Variants in LRBA observed in about 807,000 individuals in gnomAD.
The protein encoded by LRBA is lipopolysaccharide-responsive and beige-like anchor protein.
Under a neutral mutation model 330.0 loss-of-function variants are expected in LRBA, and 176 were observed. That is an observed-to-expected ratio of 0.53 (90% confidence interval 0.47 to 0.60). The LOEUF (loss-of-function observed/expected upper bound fraction) is 0.60, where lower values mean the gene tolerates loss of function less well. Among genes scored for constraint, LRBA ranks in the 20% least tolerant of loss-of-function variants. LRBA has a pLI of 0.00. For synonymous variants in LRBA, 1,230 were observed against 1,193.0 expected (o/e 1.03, Z -0.64); for missense variants, 3,259 against 3,444.8 (o/e 0.95, Z 1.35).
intron 2 of LRBA, among the ~76,000 whole-genome samples, chr4:151,010,635 C>T (rs1744713981): frequency 6.6e-6 from 1 of 152,134 alleles, no homozygotes; most frequent in African/African-American, 2.4e-5. Flanking sequence ...AATCCCAGCA[C>T]TTTGGGAAGG....
chr4:150,985,203 A>G (rs1327228384), intron 2 of LRBA, among the ~76,000 whole-genome samples: 2 of 151,330 alleles, frequency 1.3e-5, no homozygotes, highest in Non-Finnish European at 2.9e-5. Context: ...GGTTGCAGTG[A>G]GCCAAGATCG....
intron 17 of LRBA, among the ~76,000 whole-genome samples, chr4:150,891,374 T>C (rs1337548132): frequency 1.3e-5 from 2 of 152,238 alleles, no homozygotes; most frequent in Non-Finnish European, 1.5e-5. Flanking sequence ...CCTCTTACAA[T>C]GCTTAACTTT....
intron 35 of LRBA, among the ~76,000 whole-genome samples, chr4:150,757,105 C>T (rs780503010): frequency 2.8e-4 from 42 of 152,084 alleles, no homozygotes; most frequent in East Asian, 1.7e-3. Flanking sequence ...GTAACAATTA[C>T]GTCAGTGATT....
intron 39 of LRBA, among the ~76,000 whole-genome samples, chr4:150,589,040 T>TACACACACAC (rs10637563): frequency 0.022 from 3,182 of 146,710 alleles, 101 homozygotes; most frequent in African/African-American, 0.073. Flanking sequence ...TGTGTGTGTA[T>TACACACACAC]ACACACACAC....
At chr4:150,763,938 G>A (rs1582276614) in intron 34 of LRBA, among the ~76,000 whole-genome samples, 2 of 152,034 alleles carry the variant, frequency 1.3e-5, no homozygotes, top group East Asian at 3.9e-4. Flanking sequence ...TTCAAGAGAT[G>A]CCACAGCCAA....
At chr4:150,849,100 T>C in intron 25 of LRBA, 102 bp from the exon 26 acceptor site, 1 of 752,890 alleles carries the variant, frequency 1.3e-6, no homozygotes, top group East Asian at 2.8e-5. Context: ...AGTCAGACTT[T>C]CAGAAACCTA....
intron 49 of LRBA, among the ~76,000 whole-genome samples, chr4:150,322,899 G>A (rs576361413): frequency 4.6e-5 from 7 of 152,192 alleles, no homozygotes; most frequent in Non-Finnish European, 8.8e-5. Context: ...GGCAGCCTTC[G>A]TGTGCCTGCT....
chr4:150,494,721 C>A (rs1156552219), intron 40 of LRBA, among the ~76,000 whole-genome samples: 2 of 152,150 alleles, frequency 1.3e-5, no homozygotes, highest in African/African-American at 4.8e-5. Flanking sequence ...GTAGGCGGGG[C>A]ACGGTGGCTC....
At chr4:150,902,048 ACAAAT>A (rs1273798531) in intron 13 of LRBA, among the ~76,000 whole-genome samples, 14 of 152,222 alleles carry the variant, frequency 9.2e-5, no homozygotes, top group Admixed American at 8.5e-4. Context: ...TTTAAGCAAA[ACAAAT>A]CAAAGACAAT....
chr4:150,381,683 A>G (rs1742288362), intron 47 of LRBA, among the ~76,000 whole-genome samples: 2 of 152,172 alleles, frequency 1.3e-5, no homozygotes, highest in South Asian at 4.1e-4. Flanking sequence ...TTTTGTATGG[A>G]TATGTTTCCA....
intron 37 of LRBA, among the ~76,000 whole-genome samples, chr4:150,658,274 T>C (rs1780416659): frequency 6.6e-6 from 1 of 151,632 alleles, no homozygotes; most frequent in East Asian, 2.0e-4. Context: ...AAAAGGTATA[T>C]GAAATACATA....
chr4:150,660,536 C>T (rs1297674289), intron 37 of LRBA, among the ~76,000 whole-genome samples: 3 of 151,158 alleles, frequency 2.0e-5, no homozygotes, highest in African/African-American at 7.2e-5. Context: ...TGAGGGGCGC[C>T]TCTGCCCAGC....
At chr4:150,887,307 T>G (rs1729042341) in intron 17 of LRBA, among the ~76,000 whole-genome samples, 1 of 152,062 alleles carries the variant, frequency 6.6e-6, no homozygotes, top group Admixed American at 6.6e-5. Flanking sequence ...ATATCAAGTT[T>G]CTATGCACAA....
intron 40 of LRBA, among the ~76,000 whole-genome samples, chr4:150,506,043 T>G (rs1761027989): frequency 1.3e-5 from 2 of 152,210 alleles, no homozygotes; most frequent in South Asian, 4.1e-4. Flanking sequence ...GTTGAATCTC[T>G]GAATAGACCA....
chr4:150,461,743 A>G (rs1754804031), intron 44 of LRBA, among the ~76,000 whole-genome samples: 1 of 151,850 alleles, frequency 6.6e-6, no homozygotes, highest in South Asian at 2.1e-4. Context: ...TGGAATAGTT[A>G]TCAATTGCAT....
chr4:150,360,009 C>T (rs1193821645), intron 47 of LRBA, among the ~76,000 whole-genome samples: 1 of 151,624 alleles, frequency 6.6e-6, no homozygotes, highest in East Asian at 1.9e-4. Flanking sequence ...AAAATATGCT[C>T]ATGTTCAATA....
chr4:150,976,073 G>T (rs1312436552), intron 2 of LRBA, among the ~76,000 whole-genome samples: 3 of 151,736 alleles, frequency 2.0e-5, no homozygotes, highest in Admixed American at 2.0e-4. Flanking sequence ...TACTCAGAAG[G>T]CTGAGGCAGG....
At chr4:150,831,078 T>C (rs1270002113) in intron 29 of LRBA, among the ~76,000 whole-genome samples, 1 of 152,122 alleles carries the variant, frequency 6.6e-6, no homozygotes, top group Non-Finnish European at 1.5e-5. Context: ...AGGTACTTTT[T>C]AAAACATAAA....
intron 38 of LRBA, among the ~76,000 whole-genome samples, chr4:150,596,111 C>T (rs1773457554): frequency 6.6e-6 from 1 of 151,816 alleles, no homozygotes. Flanking sequence ...TAAATAACCA[C>T]TTTGGAGGGT....
Sources: gnomAD v4.1 joint callset for allele counts (sites outside exome capture counted in the v4.1 genomes callset) on GRCh38, gnomAD v4.1.1 for gene constraint, MANE v1.5 for transcripts, NCBI Gene and HGNC (gene_info 2026-07-23, HGNC 2026-07-21) for gene names.